Variants in SPG7 observed in about 807,000 individuals in gnomAD.
SPG7 encodes mitochondrial inner membrane m-AAA protease component paraplegin.
SPG7 carries 103 observed loss-of-function variants against 81.9 expected under a neutral mutation model. That is an observed-to-expected ratio of 1.26 (90% CI 1.07 to 1.48). The LOEUF is 1.48. Among genes scored for constraint, SPG7 ranks in the 40% most tolerant of loss-of-function variants. The pLI is 0.00. For synonymous variants in SPG7, 534 were observed against 444.2 expected (o/e 1.20, Z -2.54); for missense variants, 1,241 against 1,087.3 (o/e 1.14, Z -1.99).
chr16:89,514,120 C>A (rs939724677), intron 3 of SPG7, among the ~76,000 whole-genome samples: 1 of 152,038 alleles, frequency 6.6e-6, no homozygotes, highest in Non-Finnish European at 1.5e-5. Context: ...CAGGTGGATT[C>A]AGTTTAGGCG....
At position 89,530,712 on chromosome 16, in the gene SPG7, T is replaced by C; in HGVS notation, c.891T>C (p.Ile297=). ...AGCTTAAAATGGCTCGTTTCACCAT[T>C]GTGGATGGGAAGATGGGGAAAGGAG... is the stretch of plus-strand genomic sequence containing the variant. The part of the protein sequence containing the change: ...FNQLKMARFT[I]VDGKMGKGVS... Residue 297 remains isoleucine, a synonymous_variant, in exon 7 of 17, where the codon ATT becomes ATC. Transcript: ENST00000645818. 6.2e-7 allele frequency: 1 copy of C among 1,614,060 alleles called. No individual in the cohort carries two copies. Among genetic ancestry groups the C allele is most frequent in the Non-Finnish European group, 8.5e-7 (1 of 1,180,008 alleles).
chr16:89,543,559 A>G (rs1483818163), intron 9 of SPG7: 1 of 148,356 alleles, frequency 6.7e-6, no homozygotes, highest in Non-Finnish European at 1.5e-5. Context: ...GATGGTCTAG[A>G]ACTTCTGACC....
intron 4 of SPG7, 143 bp from the exon 5 acceptor site, chr16:89,526,186 A>G (rs966987599): frequency 5.2e-6 from 5 of 957,008 alleles, no homozygotes; most frequent in Non-Finnish European, 6.8e-6. Context: ...TACGTTAGGA[A>G]TCACCTCTAG....
intron 16 of SPG7, chr16:89,555,084 CTTTTT>C (rs1429443142): frequency 2.3e-5 from 3 of 130,356 alleles, no homozygotes; most frequent in Admixed American, 7.4e-5. Flanking sequence ...CTCGGCTTTT[CTTTTT>C]TTTTTTTTTT....
Position 89,508,568 on chromosome 16 carries a change from G to T in SPG7, c.151G>T (p.Asp51Tyr). ...GTACATGGCCAGCAGGCCTCCGGGG[G>T]ACCTCGCCGAGGCTGGAGGCCGAGC... ...RPYMASRPPG[D>Y]LAEAGGRALQ... The change falls in exon 1 of 17, where the codon GAC becomes TAC. Residue 51 changes from aspartate (D) to tyrosine (Y), a missense_variant. Transcript: ENST00000645818. The T allele has an allele frequency of 2.0e-6, 3 of 1,492,970 alleles. No homozygotes were observed. Among genetic ancestry groups the T allele is most frequent in the Non-Finnish European group, 2.7e-6 (3 of 1,127,114 alleles). 92.5% of individuals were successfully genotyped at this position (1,492,970 alleles called of 1,614,324 possible).
rs772184585 is a variant in SPG7 at position 89,554,521 on chromosome 16, C to A, written c.2139C>A (p.His713Gln). Residue 713 changes from histidine to glutamine, a missense_variant, in exon 16 of 17, where the codon CAC becomes CAA. Physicochemically the swap from His to Gln is conservative, Grantham distance 24. Coordinates refer to ENST00000645818, the MANE Select transcript of SPG7 (RefSeq NM_003119.4). ...ARLLVAKAYR[H>Q]TEKVLQDNLD... Reference sequence around the variant, plus strand: ...TGCTGGTGGCCAAGGCCTACAGACACACCGAGAAGGTGCTGCAGGACAACC... The same window carrying A: ...TGCTGGTGGCCAAGGCCTACAGACAAACCGAGAAGGTGCTGCAGGACAACC... The A allele has an allele frequency of 6.2e-7, 1 of 1,609,684 alleles. No individual in the cohort carries two copies. Among genetic ancestry groups the A allele is most frequent in the Non-Finnish European group, 8.5e-7 (1 of 1,179,910 alleles).
In SPG7 at chr16:89,530,765, A is replaced by C; in HGVS notation, c.944A>C (p.His315Pro). ...GVSFKDVAGM[H>P]EAKLEVREFV... ...AGCTTCAAAGACGTGGCAGGAATGC[A>C]CGAAGCCAAACTGGAAGTCCGCGAG... is the stretch of plus-strand genomic sequence containing the variant. The change falls in exon 7 of 17, where the codon CAC (histidine) becomes CCC (proline). Residue 315 changes from histidine (H) to proline (P), a missense_variant. Coordinates refer to ENST00000645818, the MANE Select transcript of SPG7 (RefSeq NM_003119.4). 1 of 1,614,234 alleles carries C rather than the reference A, an allele frequency of 6.2e-7. No homozygotes were observed. The highest frequency in any genetic ancestry group is 8.5e-7 in the Non-Finnish European group (1 of 1,180,042).
chr16:89,555,790 G>A, intron 16 of SPG7: 1 of 398,388 alleles, frequency 2.5e-6, no homozygotes, highest in Non-Finnish European at 4.4e-6. Context: ...CTCAGGAGAG[G>A]TGCACGGCTC....
intron 3 of SPG7, chr16:89,522,040 T>C (rs1034517863): frequency 3.3e-5 from 5 of 152,208 alleles, no homozygotes; most frequent in African/African-American, 1.2e-4. Flanking sequence ...TAATTAAATA[T>C]TGGAAGTAGT....
chr16:89,550,790 G>A (rs1354945501), intron 13 of SPG7, among the ~76,000 whole-genome samples, 181 bp downstream of exon 13: 1 of 152,210 alleles, frequency 6.6e-6, no homozygotes, highest in Non-Finnish European at 1.5e-5. Flanking sequence ...GGAGCAGGGT[G>A]GGTGGCGACT....
chr16:89,549,142 A>G (rs2058603686), intron 12 of SPG7: 1 of 456,562 alleles, frequency 2.2e-6, no homozygotes. Context: ...TCGTGTAACC[A>G]TTTACTTTTA....
At chr16:89,537,125 G>A in intron 9 of SPG7, 1 of 1,476,346 alleles carries the variant, frequency 6.8e-7, no homozygotes, top group Non-Finnish European at 8.9e-7. Context: ...GCTCAGCCCT[G>A]CCGAGGTCCC....
chr16:89,553,836 C>G lies in SPG7; in HGVS notation c.1979C>G (p.Ser660Cys). 6.2e-7 allele frequency: 1 copy of G among 1,613,582 alleles called. No individual in the cohort carries two copies. The highest frequency in any genetic ancestry group is 8.5e-7 in the Non-Finnish European group (1 of 1,180,038). Residue 660 changes from serine to cysteine, a missense_variant, in exon 15 of 17, where the codon TCC becomes TGC. Ser to Cys is a moderately radical substitution (Grantham distance 112, BLOSUM62 -1). Transcript: ENST00000645818. ...AGGAAGGTCACCCGCATCGCCTACT[C>G]CATGGTGAAGCAGTTTGGGATGGCA... ...DLRKVTRIAYSMVKQFGMAPG... is the reference protein window; with the variant it reads ...DLRKVTRIAYCMVKQFGMAPG...
intron 9 of SPG7, among the ~76,000 whole-genome samples, chr16:89,534,136 G>A (rs114360422): frequency 0.013 from 1,913 of 152,258 alleles, 40 homozygotes; most frequent in African/African-American, 0.042. Flanking sequence ...TCTTCAAACC[G>A]AAAACCTGTC....
chr16:89,544,345 C>T (rs1050279847), intron 9 of SPG7: 15 of 394,308 alleles, frequency 3.8e-5, no homozygotes, highest in Admixed American at 7.2e-5. Context: ...CTGTTAGGAC[C>T]GGCTCCCAGA....
chr16:89,537,387 C>T (rs560318170), intron 9 of SPG7: 88 of 1,100,388 alleles, frequency 8.0e-5, no homozygotes, highest in Middle Eastern at 4.2e-4. Context: ...GGAGCGTCGG[C>T]GCTGACCACA....
At chr16:89,535,631 G>C (rs2058403805) in intron 9 of SPG7, among the ~76,000 whole-genome samples, 1 of 152,214 alleles carries the variant, frequency 6.6e-6, no homozygotes, top group Non-Finnish European at 1.5e-5. Context: ...GAGCAGTTCA[G>C]ATTCTGTGAT....
chr16:89,550,749 G>C lies in SPG7; in HGVS notation c.1779+140G>C. ...TCCCGCCTGTGTCTGTAGGTCATGTGAGAGGAAAGCCTGCCACTGTCATGA... is the reference window on the plus strand; with the variant it reads ...TCCCGCCTGTGTCTGTAGGTCATGTCAGAGGAAAGCCTGCCACTGTCATGA... On this transcript the variant is annotated intron_variant, in intron 13 of 16. Coordinates refer to ENST00000645818, the MANE Select transcript of SPG7 (RefSeq NM_003119.4). 3 of 695,272 alleles carry C rather than the reference G, an allele frequency of 4.3e-6. No individual in the cohort carries two copies. The South Asian group carries it at 4.5e-5, about 10-fold the overall frequency. The allele number at this position is 695,272 out of a possible 1,614,324, so 43.1% of individuals were successfully genotyped here.
rs2058571684 is a variant in SPG7, at chr16:89,546,911, T to A, written c.1552+151T>A. Reference sequence around the variant, plus strand: ...GTACAAGCCTGGGAGGGAGCTGATGTGTATGTGGGGCAGCAGGAGGTCCAG... The same window carrying A: ...GTACAAGCCTGGGAGGGAGCTGATGAGTATGTGGGGCAGCAGGAGGTCCAG... On this transcript the variant is annotated intron_variant, in intron 11 of 16. Coordinates refer to ENST00000645818, the MANE Select transcript of SPG7 (RefSeq NM_003119.4). 3 of 675,570 alleles carry A rather than the reference T, an allele frequency of 4.4e-6. No homozygotes were observed. In the Admixed American group the frequency reaches 6.2e-5, roughly 14 times the overall value. The allele number at this position is 675,570 out of a possible 1,614,324, so 41.8% of individuals were successfully genotyped here.
Sources: gnomAD v4.1 joint callset for allele counts (sites outside exome capture counted in the v4.1 genomes callset) on GRCh38, gnomAD v4.1.1 for gene constraint, MANE v1.5 for transcripts, NCBI Gene and HGNC (gene_info 2026-07-23, HGNC 2026-07-21) for gene names.